ZMAT4: variants seen among roughly 807,000 people sequenced by gnomAD.
ZMAT4 encodes the protein zinc finger matrin-type 4.
In ZMAT4, 17 loss-of-function variants were observed where a neutral mutation model predicts 28.7. The ratio of observed to expected loss-of-function variants is 0.59; its 90% CI spans 0.41 to 0.89. The LOEUF is 0.89. Ranked by LOEUF, ZMAT4 falls within the 40% of genes least tolerant of loss-of-function variation. The probability of loss-of-function intolerance (pLI) is 0.00; values close to 1 mark genes in which losing one functional copy is unlikely to be tolerated. For synonymous variants in ZMAT4, 117 were observed against 109.2 expected (o/e 1.07, Z -0.44); for missense variants, 240 against 283.8 (o/e 0.85, Z 1.11).
chr8:40,569,678 C>T (rs1449040507), intron 6 of ZMAT4, among the ~76,000 whole-genome samples: 1 of 152,162 alleles, frequency 6.6e-6, no homozygotes, highest in African/African-American at 2.4e-5. Context: ...CCCTGTAAAA[C>T]CGACTTTATC....
intron 2 of ZMAT4, among the ~76,000 whole-genome samples, chr8:40,814,157 T>G (rs1323330353): frequency 6.6e-6 from 1 of 152,200 alleles, no homozygotes; most frequent in Non-Finnish European, 1.5e-5. Flanking sequence ...TTAAATCATC[T>G]TAGTATAGAA....
intron 6 of ZMAT4, among the ~76,000 whole-genome samples, chr8:40,580,832 C>T (rs557550855): frequency 6.6e-6 from 1 of 152,152 alleles, no homozygotes; most frequent in South Asian, 2.1e-4. Context: ...AGAAGACATT[C>T]ATAGAATTTG....
At chr8:40,833,740 T>A (rs1020302148) in intron 1 of ZMAT4, among the ~76,000 whole-genome samples, 5 of 152,072 alleles carry the variant, frequency 3.3e-5, no homozygotes, top group African/African-American at 1.2e-4. Flanking sequence ...CCATGCAGCA[T>A]CTGAGAGCAG....
intron 1 of ZMAT4, among the ~76,000 whole-genome samples, chr8:40,854,268 C>G (rs1428300257): frequency 6.6e-6 from 1 of 152,158 alleles, no homozygotes; most frequent in Non-Finnish European, 1.5e-5. Flanking sequence ...AACCACCATT[C>G]TGGATGACTT....
At chr8:40,740,509 T>C (rs1431302784) in intron 3 of ZMAT4, among the ~76,000 whole-genome samples, 3 of 152,246 alleles carry the variant, frequency 2.0e-5, no homozygotes. Context: ...TAACAAAATC[T>C]AGTTTCAATT....
At chr8:40,890,003 A>G (rs1430490125) in intron 1 of ZMAT4, among the ~76,000 whole-genome samples, 1 of 152,244 alleles carries the variant, frequency 6.6e-6, no homozygotes, top group Non-Finnish European at 1.5e-5. Flanking sequence ...ATATTACATT[A>G]TCATTTTTAA....
At chr8:40,748,587 T>C (rs1449816643) in intron 3 of ZMAT4, among the ~76,000 whole-genome samples, 1 of 152,190 alleles carries the variant, frequency 6.6e-6, no homozygotes, top group Non-Finnish European at 1.5e-5. Flanking sequence ...TAATGACAAG[T>C]TGTGTTCCTC....
At chr8:40,651,549 C>T (rs371850789) in intron 5 of ZMAT4, among the ~76,000 whole-genome samples, 3 of 147,512 alleles carry the variant, frequency 2.0e-5, no homozygotes, top group African/African-American at 7.5e-5. Flanking sequence ...GCTACCAATG[C>T]CTTTCTTCAC....
intron 4 of ZMAT4, among the ~76,000 whole-genome samples, chr8:40,685,325 G>A (rs1484881061): frequency 6.6e-6 from 1 of 152,108 alleles, no homozygotes; most frequent in South Asian, 2.1e-4. Flanking sequence ...CTACACCACT[G>A]CTTCTCCAAT....
At chr8:40,672,916 A>T (rs1808739228) in intron 5 of ZMAT4, among the ~76,000 whole-genome samples, 1 of 152,214 alleles carries the variant, frequency 6.6e-6, no homozygotes, top group African/African-American at 2.4e-5. Context: ...AGCTTATCCA[A>T]CATACTGAAA....
chr8:40,532,453 C>G (rs1228137974), intron 6 of ZMAT4, among the ~76,000 whole-genome samples: 1 of 152,054 alleles, frequency 6.6e-6, no homozygotes, highest in Non-Finnish European at 1.5e-5. Flanking sequence ...CACATACGTA[C>G]AAGAAAATGT....
chr8:40,794,897 T>C (rs1487637373), intron 2 of ZMAT4, among the ~76,000 whole-genome samples: 1 of 151,860 alleles, frequency 6.6e-6, no homozygotes, highest in Admixed American at 6.6e-5. Flanking sequence ...AGGGTGGGCA[T>C]TGGGCAAAAG....
intron 4 of ZMAT4, among the ~76,000 whole-genome samples, chr8:40,694,438 C>T (rs1409332418): frequency 6.6e-6 from 1 of 152,138 alleles, no homozygotes; most frequent in Non-Finnish European, 1.5e-5. Context: ...GGTGTCCTGC[C>T]ATGGTCTTCT....
chr8:40,808,527 C>A, intron 2 of ZMAT4: 1 of 455,354 alleles, frequency 2.2e-6, no homozygotes, highest in Non-Finnish European at 4.4e-6. Flanking sequence ...ATTGACACAG[C>A]TAGTTTTAAG....
chr8:40,565,636 C>A (rs1216329828), intron 6 of ZMAT4, among the ~76,000 whole-genome samples: 1 of 152,014 alleles, frequency 6.6e-6, no homozygotes, highest in East Asian at 1.9e-4. Flanking sequence ...CCTCGGCCTA[C>A]CAAAGTGCTG....
intron 5 of ZMAT4, among the ~76,000 whole-genome samples, chr8:40,610,970 C>G (rs1184223877): frequency 1.3e-5 from 2 of 149,388 alleles, no homozygotes; most frequent in African/African-American, 4.9e-5. Context: ...TAGCTCATCA[C>G]TACATAACTA....
intron 5 of ZMAT4, among the ~76,000 whole-genome samples, chr8:40,593,514 A>C (rs527610150): frequency 1.1e-4 from 17 of 152,308 alleles, no homozygotes; most frequent in African/African-American, 3.6e-4. Flanking sequence ...AGTAAGCATC[A>C]ATAGTGATAG....
chr8:40,869,045 G>A (rs1428911714), intron 1 of ZMAT4, among the ~76,000 whole-genome samples: 1 of 152,162 alleles, frequency 6.6e-6, no homozygotes, highest in East Asian at 1.9e-4. Context: ...CCCCCAACCT[G>A]AGCCCACTGG....
Position 40,586,940 on chromosome 8 carries a change from G to GGGAT in ZMAT4, c.578-5683_578-5680dup, listed in dbSNP as rs541118172. ...AAGTAAGTGGGAAGAAGAGTGATTT[G>GGGAT]GGATAGTATGGTCAACAGAGTTCTC... is the stretch of plus-strand genomic sequence containing the variant. On this transcript the variant is annotated intron_variant, in intron 5 of 6. Transcript: ENST00000297737. 2.0e-3 allele frequency among the ~76,000 whole-genome samples: 310 copies of GGGAT among 152,152 alleles called. 1 individual carries two copies. The highest frequency in any genetic ancestry group is 7.0e-3 in the African/African-American group (289 of 41,518).
Sources: allele counts gnomAD v4.1 joint callset (sites outside exome capture counted in the v4.1 genomes callset), GRCh38; gene constraint gnomAD v4.1.1; transcripts MANE v1.5; gene names NCBI Gene and HGNC (gene_info 2026-07-23, HGNC 2026-07-21).